Variants in SLCO1B3 observed in about 807,000 individuals in gnomAD.
SLCO1B3 encodes the protein liver-specific organic anion transporter 2.
SLCO1B3 carries 72 observed loss-of-function variants against 71.8 expected under a neutral mutation model. The observed-to-expected ratio is 1.00, with a 90% CI of 0.83 to 1.22. The LOEUF (loss-of-function observed/expected upper bound fraction) is 1.22. Among genes scored for constraint, SLCO1B3 ranks in the 50% most tolerant of loss-of-function variants. The pLI, the probability that SLCO1B3 is intolerant of heterozygous loss-of-function variation, is 0.00. For missense variants in SLCO1B3, 911 were observed against 819.7 expected, an observed-to-expected ratio of 1.11 and a Z score of -1.36; for synonymous variants, 298 against 278.4, an observed-to-expected ratio of 1.07 and a Z score of -0.70.
intron 14 of SLCO1B3, among the ~76,000 whole-genome samples, chr12:20,899,713 A>G (rs1866090663): frequency 6.6e-6 from 1 of 152,210 alleles, no homozygotes; most frequent in Non-Finnish European, 1.5e-5. Flanking sequence ...GGCTGAAAAT[A>G]GCATCTGGGT....
chr12:20,861,540 AAAG>A (rs1427945135), intron 6 of SLCO1B3, among the ~76,000 whole-genome samples: 1 of 152,210 alleles, frequency 6.6e-6, no homozygotes, highest in Non-Finnish European at 1.5e-5. Flanking sequence ...AGATAAGAAA[AAAG>A]AACAAATTTA....
intron 5 of SLCO1B3, among the ~76,000 whole-genome samples, chr12:20,860,159 G>T (rs1282365547): frequency 6.6e-6 from 1 of 151,986 alleles, no homozygotes; most frequent in East Asian, 1.9e-4. Context: ...GTTTCACTGT[G>T]TTAGCCAGGG....
intron 13 of SLCO1B3, among the ~76,000 whole-genome samples, chr12:20,888,708 A>G (rs67732196): frequency 0.11 from 16,033 of 152,026 alleles, 1,130 homozygotes; most frequent in Middle Eastern, 0.22. Flanking sequence ...TGTTCCTGAT[A>G]GGACTTCCAA....
At chr12:20,854,209 G>C (rs1865084306) in intron 3 of SLCO1B3, among the ~76,000 whole-genome samples, 1 of 152,088 alleles carries the variant, frequency 6.6e-6, no homozygotes, top group South Asian at 2.1e-4. Context: ...CTATTTGTCT[G>C]TTAGGTTAAT....
chr12:20,907,037 T>A (rs1211857119), intron 15 of SLCO1B3, among the ~76,000 whole-genome samples: 1 of 152,128 alleles, frequency 6.6e-6, no homozygotes, highest in Non-Finnish European at 1.5e-5. Flanking sequence ...GAAAAATCTT[T>A]TTACTTACTA....
In SLCO1B3 at chr12:20,862,513, T is replaced by A. The variant is rs1264277506; in HGVS notation, c.583T>A (p.Tyr195Asn). 4 of 1,612,100 alleles carry A rather than the reference T, an allele frequency of 2.5e-6. No homozygotes were observed. The African/African-American group carries it at 5.3e-5, about 22-fold the overall frequency. The change falls in exon 7 of 16, where the codon TAC becomes AAC. Residue 195 changes from tyrosine (Y) to asparagine (N), a missense_variant. Physicochemically the swap from Tyr to Asn is moderately radical, Grantham distance 143. Transcript: ENST00000381545. ...ETPIVPLGISYIDDFAKEGHS... is the reference protein window; with the variant it reads ...ETPIVPLGISNIDDFAKEGHS... ...CCCCATAGTACCATTGGGGATTTCA[T>A]ACATTGATGATTTTGCAAAAGAAGG...
At chr12:20,848,131 T>TG (rs397693709) in intron 3 of SLCO1B3, among the ~76,000 whole-genome samples, 1 of 16,932 alleles carries the variant, frequency 5.9e-5, no homozygotes, top group Non-Finnish European at 6.1e-4. Flanking sequence ...CAAAGAACAC[T>TG]AAAACTCAAT....
Position 20,913,568 on chromosome 12 carries a change from T to C in SLCO1B3, c.1866-2436T>C, listed in dbSNP as rs1438440147. 2.6e-5 allele frequency among the ~76,000 whole-genome samples: 4 copies of C among 152,342 alleles called. No individual in the cohort carries two copies. The East Asian group carries it at 7.7e-4, about 29-fold the overall frequency. On this transcript the variant is annotated intron_variant, in intron 15 of 15. Coordinates refer to ENST00000381545, the MANE Select transcript of SLCO1B3 (RefSeq NM_019844.4). ...ACTTTTTTATCCTTCATAAATTTCC[T>C]TGCTTTGAAGTCTGCTCTGTTTGAA... is the stretch of plus-strand genomic sequence containing the variant.
intron 13 of SLCO1B3, among the ~76,000 whole-genome samples, chr12:20,884,775 A>G (rs1865760825): frequency 6.6e-6 from 1 of 151,946 alleles, no homozygotes; most frequent in South Asian, 2.1e-4. Context: ...CATGGTAGAA[A>G]AAAAAAAAGC....
chr12:20,915,340 T>C (rs1866470557), intron 15 of SLCO1B3, among the ~76,000 whole-genome samples: 1 of 152,192 alleles, frequency 6.6e-6, no homozygotes, highest in Non-Finnish European at 1.5e-5. Flanking sequence ...TTAGAATTTT[T>C]ATCTCTTTAC....
At chr12:20,902,524 A>G (rs1866149544) in intron 15 of SLCO1B3, among the ~76,000 whole-genome samples, 1 of 152,188 alleles carries the variant, frequency 6.6e-6, no homozygotes, top group Non-Finnish European at 1.5e-5. Flanking sequence ...GACACAAAGA[A>G]GGGAACAATA....
intron 1 of SLCO1B3, among the ~76,000 whole-genome samples, chr12:20,812,392 G>A (rs954997982): frequency 6.7e-5 from 6 of 89,054 alleles, no homozygotes; most frequent in African/African-American, 2.0e-4. Context: ...ACAGAAGGAT[G>A]AGAGGATGAG....
At chr12:20,898,373 G>T in intron 13 of SLCO1B3, 63 bp from the exon 14 acceptor site, 1 of 993,310 alleles carries the variant, frequency 1.0e-6, no homozygotes, top group South Asian at 1.3e-5. Flanking sequence ...TAAATGTTTT[G>T]ATATTAACTC....
rs368739325 is a variant in SLCO1B3 at position 20,889,971 on chromosome 12, G to A, written c.1682+6369G>A. On this transcript the variant is annotated intron_variant, in intron 13 of 15. Coordinates refer to ENST00000381545, the MANE Select transcript of SLCO1B3 (RefSeq NM_019844.4). ...CTCACTCTGTCACCCAGGCTGGAGT[G>A]AAATGGTGTAATCTTGGCTCACTGC... 8.1e-4 allele frequency among the ~76,000 whole-genome samples: 123 copies of A among 151,580 alleles called. 2 individuals are homozygous for A. In the South Asian group the frequency reaches 0.025, roughly 30 times the overall value.
In SLCO1B3 at chr12:20,875,307, TA is replaced by T; in HGVS notation, c.801del (p.Ser269ProfsTer31). On this transcript the variant is annotated frameshift_variant, in exon 9 of 16. Transcript: ENST00000381545. LOFTEE classifies it high-confidence loss of function. ...AWWLGFLVSG[L>X]FSIISSIPFF... ...TGGCTTGGTTTCCTTGTGTCTGGAC[TA>T]TTTTCCATTATTTCTTCCATACCAT... 1 of 1,613,522 alleles carries T rather than the reference TA, an allele frequency of 6.2e-7. No homozygotes were observed. The highest frequency in any genetic ancestry group is 8.5e-7 in the Non-Finnish European group (1 of 1,179,534).
intron 3 of SLCO1B3, among the ~76,000 whole-genome samples, chr12:20,852,054 T>G (rs1233855523): frequency 6.6e-6 from 1 of 152,236 alleles, no homozygotes; most frequent in Non-Finnish European, 1.5e-5. Context: ...TTAATTACAG[T>G]TGCTCTGCAG....
At chr12:20,829,879 C>A (rs556829268) in intron 3 of SLCO1B3, among the ~76,000 whole-genome samples, 1 of 152,014 alleles carries the variant, frequency 6.6e-6, no homozygotes, top group African/African-American at 2.4e-5. Context: ...ACTGTCATGG[C>A]GCTGGTGGGA....
chr12:20,811,776 G>T (rs1359153777), intron 1 of SLCO1B3, among the ~76,000 whole-genome samples: 1 of 152,094 alleles, frequency 6.6e-6, no homozygotes, highest in African/African-American at 2.4e-5. Flanking sequence ...GAAATAATAT[G>T]TTCAGAGCAA....
chr12:20,833,484 AC>A (rs1864588480), intron 3 of SLCO1B3, among the ~76,000 whole-genome samples: 1 of 149,132 alleles, frequency 6.7e-6, no homozygotes, highest in Non-Finnish European at 1.5e-5. Flanking sequence ...ACACACATAT[AC>A]ACAGATATAT....
Sources: allele counts gnomAD v4.1 joint callset (sites outside exome capture counted in the v4.1 genomes callset), GRCh38; gene constraint gnomAD v4.1.1; transcripts MANE v1.5; gene names NCBI Gene and HGNC (gene_info 2026-07-23, HGNC 2026-07-21).